Variants in CSMD2 observed in about 807,000 individuals in gnomAD.
CSMD2 encodes CUB and sushi domain-containing protein 2.
In CSMD2, 130 loss-of-function variants were observed where a neutral mutation model predicts 398.5. That is an observed-to-expected ratio of 0.33 (90% CI 0.28 to 0.38). The LOEUF is 0.38. Ranked by LOEUF, CSMD2 falls within the 10% of genes least tolerant of loss-of-function variation. The probability of loss-of-function intolerance (pLI) is 1.00; values close to 1 mark genes in which losing one functional copy is unlikely to be tolerated. For synonymous variants in CSMD2, 1,828 were observed against 1,908.5 expected, an observed-to-expected ratio of 0.96 and a Z score of 1.10; for missense variants, 3,829 against 4,764.9, an observed-to-expected ratio of 0.80 and a Z score of 5.78.
At chr1:33,831,669 C>T (rs1659580414) in intron 6 of CSMD2, among the ~76,000 whole-genome samples, 1 of 151,878 alleles carries the variant, frequency 6.6e-6, no homozygotes, top group African/African-American at 2.4e-5. Flanking sequence ...CAATATTAAC[C>T]TTAAATGTAA....
At chr1:33,776,285 T>C (rs536136278) in intron 12 of CSMD2, among the ~76,000 whole-genome samples, 1 of 152,228 alleles carries the variant, frequency 6.6e-6, no homozygotes, top group Admixed American at 6.5e-5. Flanking sequence ...GAGAGCACAC[T>C]AGAGGCCCAG....
At chr1:33,585,284 A>T (rs1365132617) in intron 46 of CSMD2, among the ~76,000 whole-genome samples, 1 of 152,186 alleles carries the variant, frequency 6.6e-6, no homozygotes, top group Non-Finnish European at 1.5e-5. Context: ...AAGACCAAAA[A>T]TTAATCCCAG....
intron 1 of CSMD2, among the ~76,000 whole-genome samples, chr1:34,108,247 A>C (rs1484927572): frequency 6.7e-6 from 1 of 149,636 alleles, no homozygotes; most frequent in Non-Finnish European, 1.5e-5. Flanking sequence ...AAAATGAGAG[A>C]GAGAAAAAGA....
At chr1:34,130,847 A>G (rs1049834820) in intron 1 of CSMD2, among the ~76,000 whole-genome samples, 1 of 152,020 alleles carries the variant, frequency 6.6e-6, no homozygotes, top group Non-Finnish European at 1.5e-5. Context: ...CCTCCTTCCC[A>G]GAAACCCGTC....
At position 33,725,446 on chromosome 1, in the gene CSMD2, C is replaced by T; in HGVS notation, c.2598G>A (p.Gln866=). 1 of 1,614,184 alleles carries T rather than the reference C, an allele frequency of 6.2e-7. No homozygotes were observed. The highest frequency in any genetic ancestry group is 1.1e-5 in the South Asian group (1 of 91,086). ...TGGTGCTGATGAGGAACTGGGGAAC[C>T]TGGGTCCCGTGGTAAACCCCGATCA... ...APLIGVYHGT[Q]VPQFLISTSN... Residue 866 remains glutamine, a synonymous_variant, in exon 17 of 71, where the codon CAG becomes CAA. Transcript: ENST00000373381.
At chr1:33,921,483 A>G (rs1451525815) in intron 4 of CSMD2, among the ~76,000 whole-genome samples, 1 of 152,188 alleles carries the variant, frequency 6.6e-6, no homozygotes, top group Non-Finnish European at 1.5e-5. Context: ...CAGTCCTGTC[A>G]CTGGCCCTCA....
intron 10 of CSMD2, chr1:33,804,625 CAATG>C: frequency 2.9e-6 from 2 of 699,644 alleles, no homozygotes; most frequent in South Asian, 1.5e-5. Context: ...ATATCTACAT[CAATG>C]AATGAATGAA....
chr1:33,609,965 T>C (rs972459577), intron 41 of CSMD2, among the ~76,000 whole-genome samples: 2 of 152,208 alleles, frequency 1.3e-5, no homozygotes, highest in African/African-American at 4.8e-5. Flanking sequence ...TAAATGGGAT[T>C]AGTTCCCTTA....
intron 13 of CSMD2, among the ~76,000 whole-genome samples, chr1:33,744,588 C>T (rs868248572): frequency 6.6e-6 from 1 of 151,820 alleles, no homozygotes. Context: ...AATGAGAAAA[C>T]AAATAAATAC....
intron 12 of CSMD2, among the ~76,000 whole-genome samples, chr1:33,786,915 C>T (rs1207428741): frequency 1.3e-5 from 2 of 152,194 alleles, no homozygotes; most frequent in East Asian, 1.9e-4. Flanking sequence ...CCCAAAAAGA[C>T]GTGCTGAAGT....
At chr1:33,804,553 CT>C (rs201570810) in intron 10 of CSMD2, among the ~76,000 whole-genome samples, 8,833 of 146,210 alleles carry the variant, frequency 0.06, 354 homozygotes, top group Admixed American at 0.11. Flanking sequence ...TACCTGCACT[CT>C]TTTTTTTTTT....
In CSMD2 at chr1:33,818,000, C is replaced by T. The variant is rs531057617; in HGVS notation, c.1324+1713G>A. Among the ~76,000 whole-genome samples the T allele has an allele frequency of 7.7e-4, 117 of 152,324 alleles. 1 individual carries two copies. The highest frequency in any genetic ancestry group is 5.6e-3 in the South Asian group (27 of 4,824). On this transcript the variant is annotated intron_variant, in intron 9 of 70. Coordinates refer to ENST00000373381, the MANE Select transcript of CSMD2 (RefSeq NM_001281956.2). Reference sequence around the variant, plus strand: ...AACACACTTTTTCAGCTACAAACTTCCCTCAGGTCAAAACCAGCCCTTCTC... The same window carrying T: ...AACACACTTTTTCAGCTACAAACTTTCCTCAGGTCAAAACCAGCCCTTCTC...
chr1:33,751,628 AATTATT>A (rs1449374974), intron 13 of CSMD2, among the ~76,000 whole-genome samples: 2 of 152,004 alleles, frequency 1.3e-5, no homozygotes. Context: ...TACTTTTTAA[AATTATT>A]ATTATTGAGA....
intron 1 of CSMD2, among the ~76,000 whole-genome samples, chr1:34,125,773 A>C (rs1411879588): frequency 6.6e-6 from 1 of 152,206 alleles, no homozygotes; most frequent in Non-Finnish European, 1.5e-5. Context: ...AGATCCACAC[A>C]GAGGTGGACT....
intron 31 of CSMD2, among the ~76,000 whole-genome samples, chr1:33,634,650 C>A (rs1333595019): frequency 6.6e-6 from 1 of 152,170 alleles, no homozygotes. Context: ...GTTGGTTTTT[C>A]TGCCCACATC....
At chr1:33,682,160 A>G (rs187924570) in intron 25 of CSMD2, among the ~76,000 whole-genome samples, 8 of 152,266 alleles carry the variant, frequency 5.3e-5, no homozygotes, top group African/African-American at 1.9e-4. Flanking sequence ...GCTTATGGCT[A>G]TATCACTCTA....
chr1:33,650,867 A>C (rs1643718907), intron 28 of CSMD2, among the ~76,000 whole-genome samples: 1 of 152,142 alleles, frequency 6.6e-6, no homozygotes, highest in Non-Finnish European at 1.5e-5. Flanking sequence ...GCCAACACTG[A>C]TTAGAATTCT....
chr1:33,591,597 G>A (rs1373434883), intron 44 of CSMD2, among the ~76,000 whole-genome samples: 1 of 152,028 alleles, frequency 6.6e-6, no homozygotes, highest in Non-Finnish European at 1.5e-5. Context: ...TCCTAAATCA[G>A]TGAATTGTAT....
At chr1:34,137,680 C>G (rs1638894679) in intron 1 of CSMD2, among the ~76,000 whole-genome samples, 1 of 152,204 alleles carries the variant, frequency 6.6e-6, no homozygotes. Flanking sequence ...TAAAGCAACT[C>G]ACAATCCAGT....
Sources: allele counts gnomAD v4.1 joint callset (sites outside exome capture counted in the v4.1 genomes callset), GRCh38; gene constraint gnomAD v4.1.1; transcripts MANE v1.5; gene names NCBI Gene and HGNC (gene_info 2026-07-23, HGNC 2026-07-21).